The following DYNC1H1 variants were observed in gnomAD, a reference collection of about 807,000 sequenced individuals.
DYNC1H1 encodes the protein dynein cytoplasmic 1 heavy chain 1.
DYNC1H1 carries 51 observed loss-of-function variants against 527.1 expected under a neutral mutation model. The observed-to-expected ratio is 0.10, with a 90% CI of 0.08 to 0.12. DYNC1H1 has a LOEUF of 0.12. Ranked by LOEUF, DYNC1H1 falls within the 10% of genes least tolerant of loss-of-function variation. The pLI is 1.00. For missense variants in DYNC1H1, 2,771 were observed against 5,971.8 expected (o/e 0.46, Z 17.66); for synonymous variants, 2,189 against 2,278.8 (o/e 0.96, Z 1.12).
At chr14:101,990,799 A>G (rs2141278074) in intron 10 of DYNC1H1, among the ~76,000 whole-genome samples, 1 of 152,148 alleles carries the variant, frequency 6.6e-6, no homozygotes, top group South Asian at 2.1e-4. Flanking sequence ...TCACGAGGTC[A>G]AGAGATAGAG....
Position 102,028,120 on chromosome 14 carries a change from T to C in DYNC1H1, c.9447T>C (p.Phe3149=). The change falls in exon 48 of 78, where the codon TTT becomes TTC. Residue 3149 remains phenylalanine (F), a synonymous_variant. Transcript: ENST00000360184. ...AAGCCATTGTGAACAGCTGTGTGTTTGTTCATCAGACTCTTCACCAGGTGG... is the reference window on the plus strand; with the variant it reads ...AAGCCATTGTGAACAGCTGTGTGTTCGTTCATCAGACTCTTCACCAGGTGG... ...HREAIVNSCV[F]VHQTLHQANA... 1 of 1,614,134 alleles carries C rather than the reference T, an allele frequency of 6.2e-7. No homozygotes were observed. The highest frequency in any genetic ancestry group is 1.1e-5 in the South Asian group (1 of 91,074).
rs556152128 is a variant in DYNC1H1 at position 102,015,423 on chromosome 14, C to T, written c.7242+91C>T. 2.7e-5 allele frequency: 38 copies of T among 1,414,392 alleles called. 1 individual carries two copies. The African/African-American group carries it at 4.5e-4, about 17-fold the overall frequency. The allele number at this position is 1,414,392 out of a possible 1,614,324, so 87.6% of individuals were successfully genotyped here. On this transcript the variant is annotated intron_variant, in intron 35 of 77. Transcript: ENST00000360184. This position sits in a 1 kb window ranked among gnomAD's most constrained non-coding sequence, Gnocchi z 6.9. ...CTGTGTTGCCCACGCTGGTCTTGAA[C>T]TCCTGGGCCCAAGCAATCCACCTGC...
chr14:101,970,270 C>T (rs146801374), intron 1 of DYNC1H1, among the ~76,000 whole-genome samples: 1 of 151,964 alleles, frequency 6.6e-6, no homozygotes, highest in Non-Finnish European at 1.5e-5. Flanking sequence ...GTGTTCTGAG[C>T]CTTGTACCAG....
In DYNC1H1 at chr14:101,997,684, G is replaced by A. The variant is rs972686128; in HGVS notation, c.3804+410G>A. ...TGGGGAGGCAGGTTCTGTTGTCTTC[G>A]TCATTGTAGCCATTTAAACCTTCCA... On this transcript the variant is annotated intron_variant, in intron 16 of 77. Coordinates refer to ENST00000360184, the MANE Select transcript of DYNC1H1 (RefSeq NM_001376.5). The surrounding 1 kb of genome is among the most constrained non-coding windows in gnomAD (Gnocchi z 4.8). Among the ~76,000 whole-genome samples, 5 of 152,090 alleles carry A rather than the reference G, an allele frequency of 3.3e-5. No individual in the cohort carries two copies. The highest frequency in any genetic ancestry group is 1.2e-4 in the African/African-American group (5 of 41,390).
At position 101,986,464 on chromosome 14, in the gene DYNC1H1, T is replaced by G; in HGVS notation, c.2239T>G (p.Ser747Ala). 1 of 1,613,990 alleles carries G rather than the reference T, an allele frequency of 6.2e-7. No homozygotes were observed. The highest frequency in any genetic ancestry group is 1.1e-5 in the South Asian group (1 of 91,082). The stretch of plus-strand genomic sequence containing the variant: ...CTTTCTTCCTGAGATTATCACACTA[T>G]CCAAAGAAGTCCGGAACCTCAAATG... ...VNFLPEIITL[S>A]KEVRNLKWLG... is the part of the protein sequence containing the mutation. Residue 747 changes from serine (S) to alanine (A), a missense_variant, in exon 8 of 78, where the codon TCC becomes GCC. Transcript: ENST00000360184. The surrounding 1 kb of genome is among the most constrained non-coding windows in gnomAD (Gnocchi z 8.7).
At chr14:102,025,012 A>G (rs1026977770) in intron 43 of DYNC1H1, among the ~76,000 whole-genome samples, 1 of 151,520 alleles carries the variant, frequency 6.6e-6, no homozygotes, top group African/African-American at 2.4e-5. Flanking sequence ...ACTCTTTATA[A>G]GGTCTTTTGA....
rs943487161 is a variant in DYNC1H1 at position 102,039,496 on chromosome 14, G to A, written c.11545G>A (p.Val3849Ile). 2 of 1,614,130 alleles carry A rather than the reference G, an allele frequency of 1.2e-6. No individual in the cohort carries two copies. Among genetic ancestry groups the A allele is most frequent in the Admixed American group, 1.7e-5 (1 of 60,010 alleles). The change falls in exon 61 of 78, where the codon GTC (valine) becomes ATC (isoleucine). Residue 3849 changes from valine (V) to isoleucine (I), a missense_variant. By Grantham distance (29) the Val-to-Ile change is conservative. This residue lies in a region of DYNC1H1 where 283 missense variants were observed against 737.6 expected (regional missense o/e 0.38). Coordinates refer to ENST00000360184, the MANE Select transcript of DYNC1H1 (RefSeq NM_001376.5). The surrounding 1 kb of genome is among the most constrained non-coding windows in gnomAD (Gnocchi z 7.0). ...ATACGAGAACCCGAACCTGAAGGGT[G>A]TCACCGACCACACACAGCGCCTGTC... Reference protein sequence around the residue: ...VLYENPNLKGVTDHTQRLSII... With the variant: ...VLYENPNLKGITDHTQRLSII...
chr14:102,038,331 C>T lies in DYNC1H1; in HGVS notation c.10909-129C>T. ...GTAAGTAGCCACACATAGCTAGTGGCCACCACACGCAAGTGGCGGGTGGCT... is the reference window on the plus strand; with the variant it reads ...GTAAGTAGCCACACATAGCTAGTGGTCACCACACGCAAGTGGCGGGTGGCT... On this transcript the variant is annotated intron_variant, in intron 57 of 77. Transcript: ENST00000360184. The surrounding 1 kb of genome is among the most constrained non-coding windows in gnomAD (Gnocchi z 7.2). 1.4e-6 allele frequency: 2 copies of T among 1,451,176 alleles called. No homozygotes were observed. The highest frequency in any genetic ancestry group is 1.9e-6 in the Non-Finnish European group (2 of 1,062,142). 89.9% of individuals were successfully genotyped at this position (1,451,176 alleles called of 1,614,324 possible).
At position 102,048,496 on chromosome 14, in the gene DYNC1H1, A is replaced by C; in HGVS notation, c.13219-20A>C. On this transcript the variant is annotated intron_variant, in intron 73 of 77. Coordinates refer to ENST00000360184, the MANE Select transcript of DYNC1H1 (RefSeq NM_001376.5). ...AAGGACCTCTTCCTAACTTCTCTTCACCCTTTTGAACGATTTTAGGATCCT... is the reference window on the plus strand; with the variant it reads ...AAGGACCTCTTCCTAACTTCTCTTCCCCCTTTTGAACGATTTTAGGATCCT... 3 of 1,613,946 alleles carry C rather than the reference A, an allele frequency of 1.9e-6. No individual in the cohort carries two copies. Among genetic ancestry groups the C allele is most frequent in the Non-Finnish European group, 2.5e-6 (3 of 1,179,948 alleles).
Position 102,001,601 on chromosome 14 carries a change from C to G in DYNC1H1, c.4462C>G (p.Arg1488Gly). The change falls in exon 21 of 78, where the codon CGT becomes GGT. Residue 1488 changes from arginine to glycine, a missense_variant. By Grantham distance (125) the Arg-to-Gly change is moderately radical. Around this residue, in one of 32 missense-constraint regions of DYNC1H1, gnomAD observed 223 missense variants for 462.5 expected, o/e 0.48. Transcript: ENST00000360184. This position sits in a 1 kb window ranked among gnomAD's most constrained non-coding sequence, Gnocchi z 5.0. ...VNYQNKCRLI[R>G]GWDDLFNKVK... ...TTATCAGAACAAGTGCCGCTTGATC[C>G]GTGGCTGGGATGACCTCTTCAACAA... 6.2e-7 allele frequency: 1 copy of G among 1,614,140 alleles called. No homozygotes were observed. Among genetic ancestry groups the G allele is most frequent in the Admixed American group, 1.7e-5 (1 of 60,010 alleles).
intron 18 of DYNC1H1, 142 bp from the exon 19 acceptor site, chr14:102,000,812 G>T (rs2048122370): frequency 1.3e-6 from 1 of 749,916 alleles, no homozygotes; most frequent in Admixed American, 1.9e-5. Flanking sequence ...GACCTCAAGT[G>T]ATCTGCTCGC....
chr14:102,045,755 T>C (rs1363888765), intron 72 of DYNC1H1, among the ~76,000 whole-genome samples: 1 of 152,180 alleles, frequency 6.6e-6, no homozygotes, highest in Non-Finnish European at 1.5e-5. Flanking sequence ...ACAAGATGTT[T>C]TTTAAGACTT....
chr14:101,991,498 T>C (rs759441055), intron 10 of DYNC1H1, 29 bp from the exon 11 acceptor site: 10 of 1,613,900 alleles, frequency 6.2e-6, no homozygotes, highest in Middle Eastern at 3.3e-4. Context: ...AATAGATTGC[T>C]GAGTAGAAAT....
At position 102,020,791 on chromosome 14, in the gene DYNC1H1, C is replaced by G. The variant is rs1290114264; in HGVS notation, c.8507+735C>G. 6.6e-6 allele frequency among the ~76,000 whole-genome samples: 1 copy of G among 152,200 alleles called. No homozygotes were observed. Among genetic ancestry groups the G allele is most frequent in the Non-Finnish European group, 1.5e-5 (1 of 68,048 alleles). ...TAAGAAATGCTTAAGTGTTTGGCAG[C>G]TGTGCCTCTGGACCAGGTGTCATCC... On this transcript the variant is annotated intron_variant, in intron 42 of 77. Transcript: ENST00000360184. The surrounding 1 kb of genome is among the most constrained non-coding windows in gnomAD (Gnocchi z 4.3).
In DYNC1H1 at chr14:101,983,677, T is replaced by C; in HGVS notation, c.1461+68T>C. On this transcript the variant is annotated intron_variant, in intron 7 of 77. Transcript: ENST00000360184. The surrounding 1 kb of genome is among the most constrained non-coding windows in gnomAD (Gnocchi z 5.3). ...TGTTTTGTTTTTTGTTTGGTGTTTTTTTTTTGTTGTTGTTGTTGAGATGAA... is the reference window on the plus strand; with the variant it reads ...TGTTTTGTTTTTTGTTTGGTGTTTTCTTTTTGTTGTTGTTGTTGAGATGAA... The C allele has an allele frequency of 6.6e-7, 1 of 1,521,616 alleles. No individual in the cohort carries two copies. The highest frequency in any genetic ancestry group is 8.9e-7 in the Non-Finnish European group (1 of 1,121,680). The allele number at this position is 1,521,616 out of a possible 1,614,324, so 94.3% of individuals were successfully genotyped here. A position where few individuals can be genotyped will look rare whatever the true frequency, so the allele number is the denominator to read the frequency against.
chr14:101,998,882 T>C (rs2048096824), intron 16 of DYNC1H1, among the ~76,000 whole-genome samples: 1 of 141,350 alleles, frequency 7.1e-6, no homozygotes, highest in Non-Finnish European at 1.5e-5. Flanking sequence ...ACTTTTTCTT[T>C]TTTTTTTTTT....
intron 50 of DYNC1H1, 89 bp from the exon 51 acceptor site, chr14:102,030,073 T>C: frequency 6.2e-7 from 1 of 1,611,178 alleles, no homozygotes; most frequent in Non-Finnish European, 8.5e-7. Flanking sequence ...TGTGTGTGTG[T>C]GTGTTGGCAG....
intron 23 of DYNC1H1, among the ~76,000 whole-genome samples, chr14:102,003,422 C>A (rs958942467): frequency 1.3e-5 from 2 of 151,924 alleles, no homozygotes; most frequent in Non-Finnish European, 1.5e-5. Context: ...CCACCACACC[C>A]GGCTAATTTT....
At chr14:101,996,497 G>A (rs1056029039) in intron 15 of DYNC1H1, among the ~76,000 whole-genome samples, 11 of 152,114 alleles carry the variant, frequency 7.2e-5, no homozygotes, top group African/African-American at 2.7e-4. Flanking sequence ...ATCCTGTCCG[G>A]GGCCATCCGG....
Sources: allele counts gnomAD v4.1 joint callset (sites outside exome capture counted in the v4.1 genomes callset), GRCh38; gene constraint gnomAD v4.1.1; regional missense constraint gnomAD v4.1.1; non-coding constraint Gnocchi (gnomAD v3.1); transcripts MANE v1.5; gene names NCBI Gene and HGNC (gene_info 2026-07-23, HGNC 2026-07-21).